RABGAP1L: variants seen among roughly 807,000 people sequenced by gnomAD.
The protein encoded by RABGAP1L is rab GTPase-activating protein 1-like.
In RABGAP1L, 63 loss-of-function variants were observed where a neutral mutation model predicts 137.7. The ratio of observed to expected loss-of-function variants is 0.46; its 90% CI spans 0.37 to 0.56. The LOEUF is 0.56. RABGAP1L is among the 20% of genes least tolerant of loss of function. The pLI, the probability that RABGAP1L is intolerant of heterozygous loss-of-function variation, is 0.00. For missense variants in RABGAP1L, 1,095 were observed against 1,244.0 expected (o/e 0.88, Z 1.80); for synonymous variants, 431 against 433.7 (o/e 0.99, Z 0.08).
rs544874439 is a variant in RABGAP1L, at chr1:174,194,533, C to T, written c.-33-24592C>T. Reference sequence around the variant, plus strand: ...ATAGGCATGAGCCACCGTGCCCGGCCGGCTTCAGTTAATTCTAAAGCCTGG... The same window carrying T: ...ATAGGCATGAGCCACCGTGCCCGGCTGGCTTCAGTTAATTCTAAAGCCTGG... On this transcript the variant is annotated intron_variant, in intron 1 of 25. Coordinates refer to ENST00000681986, the MANE Select transcript of RABGAP1L (RefSeq NM_001366446.1). Among the ~76,000 whole-genome samples the T allele has an allele frequency of 3.9e-5, 6 of 152,196 alleles. No homozygotes were observed. The East Asian group carries it at 7.7e-4, about 20-fold the overall frequency.
intron 24 of RABGAP1L, among the ~76,000 whole-genome samples, 171 bp from the exon 25 acceptor site, chr1:174,988,470 G>T (rs1461187678): frequency 6.6e-6 from 1 of 152,188 alleles, no homozygotes; most frequent in African/African-American, 2.4e-5. Context: ...GTCTTGGATA[G>T]TTGGGTTCGG....
Position 174,686,648 on chromosome 1 carries a change from C to CTTTTTTTTTTTT in RABGAP1L, c.1899+3068_1899+3079dup, listed in dbSNP as rs533716511. Among the ~76,000 whole-genome samples the CTTTTTTTTTTTT allele has an allele frequency of 4.7e-5, 5 of 105,770 alleles. 1 individual carries two copies. Among genetic ancestry groups the CTTTTTTTTTTTT allele is most frequent in the Non-Finnish European group, 8.4e-5 (4 of 47,678 alleles). The allele number at this position is 105,770 out of a possible 152,430, so 69.4% of individuals were successfully genotyped here. A position where few individuals can be genotyped will look rare whatever the true frequency, so the allele number is the denominator to read the frequency against. On this transcript the variant is annotated intron_variant, in intron 15 of 25. Transcript: ENST00000681986. ...GAAGCTTTGGTTTGAACAAAGCAAT[C>CTTTTTTTTTTTT]TTTTTTTTTTTTTTTTTTTTTTTTT...
chr1:174,403,910 T>C (rs925267052), intron 13 of RABGAP1L, among the ~76,000 whole-genome samples: 2 of 152,082 alleles, frequency 1.3e-5, no homozygotes, highest in African/African-American at 4.8e-5. Context: ...TTCAACTATA[T>C]AGTAAAGTCA....
At chr1:174,380,223 C>T (rs930323553) in intron 12 of RABGAP1L, among the ~76,000 whole-genome samples, 139 of 152,208 alleles carry the variant, frequency 9.1e-4, no homozygotes, top group African/African-American at 3.0e-3. Context: ...CATCAATGTT[C>T]ATCAAGTATA....
intron 11 of RABGAP1L, among the ~76,000 whole-genome samples, chr1:174,369,415 C>T (rs1202378038): frequency 1.3e-5 from 2 of 152,074 alleles, no homozygotes; most frequent in East Asian, 3.9e-4. Flanking sequence ...GGTCTCAAAC[C>T]CCTGAGCTCA....
intron 13 of RABGAP1L, among the ~76,000 whole-genome samples, chr1:174,431,188 T>C (rs536025550): frequency 1.3e-5 from 2 of 152,176 alleles, no homozygotes; most frequent in Non-Finnish European, 2.9e-5. Flanking sequence ...GTAGGAAATA[T>C]CTTAAGGTTC....
At chr1:174,222,240 G>T (rs1280472964) in intron 3 of RABGAP1L, among the ~76,000 whole-genome samples, 1 of 152,122 alleles carries the variant, frequency 6.6e-6, no homozygotes, top group African/African-American at 2.4e-5. Flanking sequence ...TGTAGGCCTG[G>T]GTTACATTCA....
chr1:174,828,477 T>C (rs915295394), intron 19 of RABGAP1L, among the ~76,000 whole-genome samples: 9 of 148,012 alleles, frequency 6.1e-5, no homozygotes, highest in African/African-American at 2.0e-4. Context: ...TTGCTTTCTG[T>C]CTGTGGAGTG....
chr1:174,208,472 T>C (rs1035795004), intron 1 of RABGAP1L, among the ~76,000 whole-genome samples: 3 of 152,158 alleles, frequency 2.0e-5, no homozygotes, highest in African/African-American at 7.2e-5. Flanking sequence ...GCTAGTTTAC[T>C]GAGAGTTTTT....
intron 17 of RABGAP1L, among the ~76,000 whole-genome samples, chr1:174,709,784 G>A (rs332791): frequency 0.58 from 88,260 of 152,036 alleles, 27,931 homozygotes; most frequent in African/African-American, 0.85. Context: ...AAGGATCACA[G>A]CTCCTTGCCA....
At chr1:174,599,359 A>G (rs951875768) in intron 13 of RABGAP1L, among the ~76,000 whole-genome samples, 1 of 152,212 alleles carries the variant, frequency 6.6e-6, no homozygotes, top group African/African-American at 2.4e-5. Context: ...TATGGAAGAT[A>G]TAAGTAGTTT....
intron 13 of RABGAP1L, among the ~76,000 whole-genome samples, chr1:174,615,884 G>C (rs548185043): frequency 6.6e-6 from 1 of 152,258 alleles, no homozygotes; most frequent in Non-Finnish European, 1.5e-5. Flanking sequence ...CTCCGAGCCA[G>C]GTGCAGGATA....
intron 19 of RABGAP1L, among the ~76,000 whole-genome samples, chr1:174,834,940 G>A (rs947172908): frequency 4.6e-5 from 7 of 152,140 alleles, no homozygotes; most frequent in African/African-American, 1.7e-4. Context: ...AGTTTGAATT[G>A]TATCCTGCAA....
chr1:174,944,554 T>C (rs1307704789), intron 19 of RABGAP1L, among the ~76,000 whole-genome samples: 1 of 151,580 alleles, frequency 6.6e-6, no homozygotes. Flanking sequence ...AGAGGATTTC[T>C]TGAGCCTGGA....
chr1:174,360,802 C>G (rs900288664), intron 11 of RABGAP1L, among the ~76,000 whole-genome samples: 2 of 152,138 alleles, frequency 1.3e-5, no homozygotes, highest in African/African-American at 4.8e-5. Context: ...TTCTAGTTTT[C>G]ATCTCCTCTC....
In RABGAP1L at chr1:174,551,007, T is replaced by TATATATAC. The variant is rs1553330317; in HGVS notation, c.1711-86361_1711-86360insCATATATA. On this transcript the variant is annotated intron_variant, in intron 13 of 25. Transcript: ENST00000681986. ...ACATATATATATATACACATATATA[T>TATATATAC]ATATATATATATATACATACACACA... Among the ~76,000 whole-genome samples the TATATATAC allele has an allele frequency of 2.3e-4, 28 of 124,358 alleles. 1 individual carries two copies. The highest frequency in any genetic ancestry group is 8.1e-4 in the African/African-American group (22 of 27,312). 81.6% of individuals were successfully genotyped at this position (124,358 alleles called of 152,430 possible).
intron 19 of RABGAP1L, among the ~76,000 whole-genome samples, chr1:174,892,258 A>G (rs540622920): frequency 6.6e-6 from 1 of 152,352 alleles, no homozygotes; most frequent in African/African-American, 2.4e-5. Flanking sequence ...GAGCGAACTC[A>G]GCCCGGGACA....
intron 19 of RABGAP1L, among the ~76,000 whole-genome samples, chr1:174,920,263 G>C (rs1661573965): frequency 6.6e-6 from 1 of 152,218 alleles, no homozygotes; most frequent in South Asian, 2.1e-4. Flanking sequence ...GGCTGGGGAA[G>C]CCTCACAATC....
At chr1:174,598,326 C>CAAA (rs35838560) in intron 13 of RABGAP1L, among the ~76,000 whole-genome samples, 2 of 68,690 alleles carry the variant, frequency 2.9e-5, no homozygotes, top group Admixed American at 1.5e-4. Context: ...GACTCTGTCT[C>CAAA]AAAAAAAAAA....
Sources: allele counts gnomAD v4.1 joint callset (sites outside exome capture counted in the v4.1 genomes callset), GRCh38; gene constraint gnomAD v4.1.1; transcripts MANE v1.5; gene names NCBI Gene and HGNC (gene_info 2026-07-23, HGNC 2026-07-21).